The following MBD5 variants were observed in gnomAD, a reference collection of about 807,000 sequenced individuals.
The protein encoded by MBD5 is methyl-CpG binding domain protein 5.
Under a neutral mutation model 117.3 loss-of-function variants are expected in MBD5, and 13 were observed. The observed-to-expected ratio is 0.11, with a 90% CI of 0.07 to 0.18. MBD5 has a LOEUF of 0.18. MBD5 is among the 10% of genes least tolerant of loss of function. The pLI is 1.00. For synonymous variants in MBD5, 727 were observed against 766.4 expected, an observed-to-expected ratio of 0.95 and a Z score of 0.85; for missense variants, 1,879 against 2,093.8, an observed-to-expected ratio of 0.90 and a Z score of 2.00.
chr2:148,485,442 A>G (rs1369404838), intron 9 of MBD5: 5 of 305,972 alleles, frequency 1.6e-5, no homozygotes, highest in Non-Finnish European at 3.0e-5. Flanking sequence ...AAATCTAAAA[A>G]TAGATGAAGG....
chr2:148,382,529 A>C (rs1185259603), intron 4 of MBD5, among the ~76,000 whole-genome samples: 1 of 152,186 alleles, frequency 6.6e-6, no homozygotes, highest in African/African-American at 2.4e-5. Flanking sequence ...CCCCACTGTC[A>C]ACATTAGACA....
At chr2:148,305,867 A>G (rs1701878355) in intron 3 of MBD5, among the ~76,000 whole-genome samples, 1 of 152,226 alleles carries the variant, frequency 6.6e-6, no homozygotes, top group Admixed American at 6.5e-5. Context: ...AACCTCAAAG[A>G]CAGTGAACAG....
chr2:148,238,220 T>TA (rs1283557325), intron 3 of MBD5, among the ~76,000 whole-genome samples: 1 of 152,240 alleles, frequency 6.6e-6, no homozygotes. Flanking sequence ...ACAAGCAGTT[T>TA]AGAGTTCATG....
At chr2:148,022,709 C>T (rs1237316612) in intron 1 of MBD5, among the ~76,000 whole-genome samples, 1 of 152,158 alleles carries the variant, frequency 6.6e-6, no homozygotes, top group Admixed American at 6.5e-5. Flanking sequence ...CCAAATTGCC[C>T]ACTGTATGTA....
chr2:148,227,856 A>G (rs1357275960), intron 2 of MBD5, among the ~76,000 whole-genome samples: 3 of 151,976 alleles, frequency 2.0e-5, no homozygotes, highest in African/African-American at 4.8e-5. Context: ...ATTCCTAGGT[A>G]TTTTATTCTC....
intron 3 of MBD5, among the ~76,000 whole-genome samples, chr2:148,274,717 G>GTTTTTTTTTTTTTTTTTTTTTTTTTTTT (rs199569391): frequency 1.8e-5 from 2 of 109,854 alleles, no homozygotes. Context: ...AATTAATTGA[G>GTTTTTTTTTTTTTTTTTTTTTTTTTTTT]TTTTTTTGTT....
intron 1 of MBD5, among the ~76,000 whole-genome samples, chr2:148,036,659 G>A (rs1231339603): frequency 6.6e-6 from 1 of 151,920 alleles, no homozygotes; most frequent in Admixed American, 6.6e-5. Context: ...CAGTACTCTA[G>A]TACTATATAT....
At chr2:148,378,934 A>G (rs1049735019) in intron 4 of MBD5, among the ~76,000 whole-genome samples, 2 of 152,078 alleles carry the variant, frequency 1.3e-5, no homozygotes, top group Non-Finnish European at 2.9e-5. Flanking sequence ...AGAGACAATT[A>G]GTGGATTGAG....
chr2:148,405,626 C>T (rs556907937), intron 4 of MBD5, among the ~76,000 whole-genome samples: 4 of 152,224 alleles, frequency 2.6e-5, no homozygotes, highest in East Asian at 3.9e-4. Flanking sequence ...AGCACATAAG[C>T]GCTAAAGGAC....
intron 3 of MBD5, among the ~76,000 whole-genome samples, chr2:148,244,683 T>G (rs1417457984): frequency 6.6e-6 from 1 of 152,190 alleles, no homozygotes; most frequent in African/African-American, 2.4e-5. Context: ...GACACAGCAA[T>G]AAACAAGGCT....
At chr2:148,269,135 T>C (rs1377143436) in intron 3 of MBD5, among the ~76,000 whole-genome samples, 1 of 152,036 alleles carries the variant, frequency 6.6e-6, no homozygotes, top group Non-Finnish European at 1.5e-5. Flanking sequence ...TTTGTTGTAT[T>C]TGTCTTTAAA....
chr2:148,085,208 G>A (rs73007151), intron 1 of MBD5, among the ~76,000 whole-genome samples: 8,023 of 152,238 alleles, frequency 0.053, 243 homozygotes, highest in African/African-American at 0.078. Context: ...TTGGCAGTCC[G>A]TATAAAGCAA....
At chr2:148,101,232 C>T (rs897875038) in intron 1 of MBD5, among the ~76,000 whole-genome samples, 3 of 152,132 alleles carry the variant, frequency 2.0e-5, no homozygotes, top group Non-Finnish European at 2.9e-5. Context: ...AGGAGGATCA[C>T]TTGAGGCCAG....
intron 1 of MBD5, among the ~76,000 whole-genome samples, chr2:148,119,865 G>A (rs1306338081): frequency 6.6e-6 from 1 of 150,744 alleles, no homozygotes; most frequent in African/African-American, 2.4e-5. Context: ...TCTACCCTAT[G>A]CCAGTACCAT....
At chr2:148,489,254 G>A in intron 10 of MBD5, 132 bp from the exon 11 acceptor site, 1 of 1,118,566 alleles carries the variant, frequency 8.9e-7, no homozygotes. Flanking sequence ...CATTTTTTGA[G>A]TCTTGTTCTT....
intron 3 of MBD5, chr2:148,295,821 TA>T: frequency 5.8e-6 from 1 of 172,810 alleles, no homozygotes; most frequent in Non-Finnish European, 1.2e-5. Context: ...GACAAAGTTC[TA>T]AACGAAAAAC....
intron 2 of MBD5, among the ~76,000 whole-genome samples, chr2:148,195,282 A>G (rs1319728379): frequency 6.6e-6 from 1 of 152,178 alleles, no homozygotes; most frequent in Non-Finnish European, 1.5e-5. Flanking sequence ...TATGAGAAAA[A>G]GTATATGTCT....
chr2:148,375,438 G>A (rs916719684), intron 4 of MBD5, among the ~76,000 whole-genome samples: 4 of 152,150 alleles, frequency 2.6e-5, no homozygotes, highest in African/African-American at 7.2e-5. Context: ...TACTATGCAC[G>A]AATCTGAACA....
At chr2:148,265,840 G>A (rs1700844235) in intron 3 of MBD5, among the ~76,000 whole-genome samples, 1 of 152,180 alleles carries the variant, frequency 6.6e-6, no homozygotes, top group African/African-American at 2.4e-5. Flanking sequence ...CTCATTTCTG[G>A]AGATAGACAA....
Sources: gnomAD v4.1 joint callset for allele counts (sites outside exome capture counted in the v4.1 genomes callset) on GRCh38, gnomAD v4.1.1 for gene constraint, MANE v1.5 for transcripts, NCBI Gene and HGNC (gene_info 2026-07-23, HGNC 2026-07-21) for gene names.